UNC79: variants seen among roughly 807,000 people sequenced by gnomAD.
UNC79 encodes unc-79 subunit of NALCN channel complex, also known as protein unc-79 homolog.
UNC79 carries 37 observed loss-of-function variants against 283.1 expected under a neutral mutation model. That is an observed-to-expected ratio of 0.13 (90% confidence interval 0.10 to 0.17). The LOEUF (loss-of-function observed/expected upper bound fraction) is 0.17, where lower values mean the gene tolerates loss of function less well. UNC79 is among the 10% of genes least tolerant of loss of function. The pLI is 1.00. For missense variants in UNC79, 2,272 were observed against 3,211.1 expected, an observed-to-expected ratio of 0.71 and a Z score of 7.07; for synonymous variants, 1,107 against 1,200.2, an observed-to-expected ratio of 0.92 and a Z score of 1.61.
intron 1 of UNC79, among the ~76,000 whole-genome samples, chr14:93,379,882 T>C (rs1281831798): frequency 6.6e-6 from 1 of 152,140 alleles, no homozygotes; most frequent in African/African-American, 2.4e-5. Context: ...TAAAAAAATT[T>C]GCAAGATATT....
chr14:93,586,633 A>C (rs777054403), exon 21 of UNC79: 33 of 1,613,920 alleles, frequency 2.0e-5, no homozygotes, highest in Non-Finnish European at 2.7e-5. Flanking sequence ...TTTGCTACCA[A>C]CAGCTTCCGG....
At chr14:93,420,692 A>G (rs1280956325) in intron 1 of UNC79, among the ~76,000 whole-genome samples, 1 of 151,816 alleles carries the variant, frequency 6.6e-6, no homozygotes, top group Non-Finnish European at 1.5e-5. Flanking sequence ...TCTCATGGAT[A>G]GACCATATAT....
rs966191004 is a variant in UNC79, at chr14:93,373,629, GAAAA to G, written c.-351+40107_-351+40110del. Among the ~76,000 whole-genome samples the G allele has an allele frequency of 4.6e-3, 693 of 152,258 alleles. 3 individuals are homozygous for G. The highest frequency in any genetic ancestry group is 0.016 in the African/African-American group (658 of 41,552). On this transcript the variant is annotated intron_variant, in intron 1 of 49. Transcript: ENST00000256339. ...CAATAAATAATTAACCTGCAAAATA[GAAAA>G]CACCAAGCCCAGATGTCTTCACAGG...
chr14:93,494,753 T>G (rs1408386998), intron 5 of UNC79, among the ~76,000 whole-genome samples: 1 of 152,054 alleles, frequency 6.6e-6, no homozygotes, highest in African/African-American at 2.4e-5. Context: ...GAGGATGAGC[T>G]CTCCAAAGAG....
chr14:93,695,890 CAAAAA>C lies in UNC79; in HGVS notation c.7548+1494_7548+1498del, dbSNP rs535235954. ...TGGGCAACAGGATGAGACTTTGTCT[CAAAAA>C]AAAAAAAAAAAAAAAGCAAACAAAA... is the stretch of plus-strand genomic sequence containing the variant. On this transcript the variant is annotated intron_variant, in intron 47 of 48. Transcript: ENST00000555664. Among the ~76,000 whole-genome samples, 15 of 39,440 alleles carry C rather than the reference CAAAAA, an allele frequency of 3.8e-4. 2 individuals carry two copies. Among genetic ancestry groups the C allele is most frequent in the East Asian group, 7.2e-4 (1 of 1,384 alleles). 25.9% of individuals were successfully genotyped at this position (39,440 alleles called of 152,430 possible).
intron 1 of UNC79, among the ~76,000 whole-genome samples, chr14:93,400,953 T>G (rs1372571094): frequency 6.6e-6 from 1 of 152,142 alleles, no homozygotes; most frequent in African/African-American, 2.4e-5. Flanking sequence ...ACATTGAGAA[T>G]TCAAGTCTGG....
chr14:93,675,486 C>T (rs527667990), intron 41 of UNC79, among the ~76,000 whole-genome samples: 12 of 152,154 alleles, frequency 7.9e-5, no homozygotes, highest in East Asian at 1.9e-4. Flanking sequence ...CATAGTGCAA[C>T]GGGTACAGTA....
chr14:93,688,736 C>T lies in UNC79; in HGVS notation c.6981C>T (p.Ala2327=). The change falls in exon 44 of 49, where the codon GCC becomes GCT. Residue 2327 remains alanine, a synonymous_variant. Coordinates refer to ENST00000555664, the Ensembl canonical transcript of UNC79. The surrounding 1 kb of genome is among the most constrained non-coding windows in gnomAD (Gnocchi z 4.0). ...GGGGACATCTCAAAGTGGGGCTGGC[C>T]CAGATTGCAGCCATGGACATCTCAC... is the stretch of plus-strand genomic sequence containing the variant. 6.2e-7 allele frequency: 1 copy of T among 1,613,918 alleles called. No homozygotes were observed. The highest frequency in any genetic ancestry group is 8.5e-7 in the Non-Finnish European group (1 of 1,179,968).
In UNC79 at chr14:93,556,686, A is replaced by G. The variant is rs937402655; in HGVS notation, c.1755+13990A>G. ...GGAGAAACAATTCAATTGACTGAGA[A>G]AAAAAAAAAACCCAAAAACCTTTTT... On this transcript the variant is annotated intron_variant, in intron 14 of 48. Transcript: ENST00000555664. Among the ~76,000 whole-genome samples the G allele has an allele frequency of 5.3e-3, 14 of 2,638 alleles. No homozygotes were observed. In the East Asian group the frequency reaches 0.33, roughly 63 times the overall value. The allele number at this position is 2,638 out of a possible 152,430, so 1.7% of individuals were successfully genotyped here.
At chr14:93,465,753 T>G (rs1483973044) in intron 1 of UNC79, among the ~76,000 whole-genome samples, 1 of 152,242 alleles carries the variant, frequency 6.6e-6, no homozygotes, top group Non-Finnish European at 1.5e-5. Context: ...CCCTGTACTA[T>G]TATCAACTCC....
intron 1 of UNC79, among the ~76,000 whole-genome samples, chr14:93,372,019 A>C (rs547153471): frequency 6.6e-6 from 1 of 152,306 alleles, no homozygotes; most frequent in South Asian, 2.1e-4. Flanking sequence ...AAAATGAGGA[A>C]ATTCATTGCC....
At chr14:93,655,299 A>G in exon 38 of UNC79, 1 of 1,614,154 alleles carries the variant, frequency 6.2e-7, no homozygotes, top group Non-Finnish European at 8.5e-7. Context: ...AAAACATTGC[A>G]ACCTTCATGG....
intron 34 of UNC79, among the ~76,000 whole-genome samples, chr14:93,644,407 A>G (rs1277984702): frequency 1.3e-5 from 2 of 152,208 alleles, no homozygotes; most frequent in African/African-American, 4.8e-5. Flanking sequence ...TGCCACATAA[A>G]TGTATTAACA....
intron 46 of UNC79, among the ~76,000 whole-genome samples, chr14:93,692,668 A>G (rs1457256773): frequency 6.6e-6 from 1 of 152,216 alleles, no homozygotes; most frequent in Non-Finnish European, 1.5e-5. Context: ...CTTCAAATCC[A>G]GTACTGTTGA....
intron 3 of UNC79, among the ~76,000 whole-genome samples, chr14:93,476,176 G>A (rs922914602): frequency 6.6e-6 from 1 of 152,070 alleles, no homozygotes; most frequent in Admixed American, 6.6e-5. Flanking sequence ...TAGACTTTGA[G>A]AGCCGCTGCA....
At chr14:93,441,969 T>A (rs2056314613) in intron 1 of UNC79, among the ~76,000 whole-genome samples, 1 of 152,210 alleles carries the variant, frequency 6.6e-6, no homozygotes. Flanking sequence ...TATAATAGTT[T>A]GCAACTTTGT....
chr14:93,647,019 C>T (rs2069688734), intron 35 of UNC79, among the ~76,000 whole-genome samples: 2 of 152,198 alleles, frequency 1.3e-5, no homozygotes, highest in African/African-American at 2.4e-5. Context: ...CTGTGCTAGA[C>T]ACTCAGGCCT....
chr14:93,509,430 G>C (rs901210276), intron 7 of UNC79, among the ~76,000 whole-genome samples: 1 of 152,124 alleles, frequency 6.6e-6, no homozygotes, highest in East Asian at 1.9e-4. Flanking sequence ...AGTCTTATCT[G>C]AGATAAGGCA....
At chr14:93,704,725 C>CT in intron 48 of UNC79, 59 bp downstream of exon 51, 1 of 1,583,066 alleles carries the variant, frequency 6.3e-7, no homozygotes, top group Non-Finnish European at 8.7e-7. Flanking sequence ...GTATAACGTT[C>CT]CTAGGGATTG....
Sources: gnomAD v4.1 joint callset for allele counts (sites outside exome capture counted in the v4.1 genomes callset) on GRCh38, gnomAD v4.1.1 for gene constraint, Gnocchi (gnomAD v3.1) non-coding constraint, MANE v1.5 for transcripts, NCBI Gene and HGNC (gene_info 2026-07-23, HGNC 2026-07-21) for gene names.